Variants in GABRA4 observed in about 807,000 individuals in gnomAD.
The protein encoded by GABRA4 is gamma-aminobutyric acid type A receptor subunit alpha4.
In GABRA4, 12 loss-of-function variants were observed where a neutral mutation model predicts 49.7. That is an observed-to-expected ratio of 0.24 (90% CI 0.15 to 0.39). The LOEUF is 0.39. Among genes scored for constraint, GABRA4 ranks in the 10% least tolerant of loss-of-function variants. The probability of loss-of-function intolerance (pLI) is 1.00; values close to 1 mark genes in which losing one functional copy is unlikely to be tolerated. For missense variants in GABRA4, 506 were observed against 686.0 expected, an observed-to-expected ratio of 0.74 and a Z score of 2.93; for synonymous variants, 288 against 240.2, an observed-to-expected ratio of 1.20 and a Z score of -1.84.
chr4:46,993,213 C>T, intron 1 of GABRA4, 126 bp downstream of exon 1: 2 of 872,958 alleles, frequency 2.3e-6, no homozygotes, highest in Non-Finnish European at 3.8e-6. Flanking sequence ...GGCTTCGGCC[C>T]CTGCTCTTAC....
intron 7 of GABRA4, among the ~76,000 whole-genome samples, chr4:46,970,640 T>A (rs920861542): frequency 6.6e-6 from 1 of 151,620 alleles, no homozygotes; most frequent in Admixed American, 6.6e-5. Flanking sequence ...TTTAAACCGT[T>A]TGCATTTTGT....
At position 46,925,544 on chromosome 4, in the gene GABRA4, G is replaced by C. The variant is rs1253595061; in HGVS notation, c.*2681C>G. The stretch of plus-strand genomic sequence containing the variant: ...ATTATTCATAGATAACCAGAACTTT[G>C]GGTGCCCCTAATCATTCTTCTGAGA... On this transcript the variant is annotated 3_prime_UTR_variant, in exon 9 of 9. Transcript: ENST00000264318. The C allele has an allele frequency of 2.0e-5, 3 of 151,452 alleles. No homozygotes were observed. In the East Asian group the frequency reaches 5.8e-4, roughly 29 times the overall value. 9.4% of individuals were successfully genotyped at this position (151,452 alleles called of 1,614,324 possible). A position where few individuals can be genotyped will look rare whatever the true frequency, so the allele number is the denominator to read the frequency against.
Position 46,922,576 on chromosome 4 carries a change from T to C in GABRA4, c.*5649A>G, listed in dbSNP as rs1721075912. The C allele has an allele frequency of 6.6e-6, 1 of 152,024 alleles. No individual in the cohort carries two copies. The highest frequency in any genetic ancestry group is 2.4e-5 in the African/African-American group (1 of 41,404). The allele number at this position is 152,024 out of a possible 1,614,324, so 9.4% of individuals were successfully genotyped here. A position where few individuals can be genotyped will look rare whatever the true frequency, so the allele number is the denominator to read the frequency against. On this transcript the variant is annotated 3_prime_UTR_variant, in exon 9 of 9. Transcript: ENST00000264318. ...GTCTCTGTAGTCTCAAAAAATATTA[T>C]AGACATGATCTCATTAATAGAGAAA... is the stretch of plus-strand genomic sequence containing the variant.
intron 8 of GABRA4, among the ~76,000 whole-genome samples, chr4:46,941,036 G>A (rs1721770256): frequency 6.6e-6 from 1 of 152,140 alleles, no homozygotes; most frequent in South Asian, 2.1e-4. Flanking sequence ...AAGGCAGATT[G>A]CAAATTTAGC....
rs1723164225 is a variant in GABRA4 at position 46,977,152 on chromosome 4, A to C, written c.495-9T>G. ...CCGCACTTATGGTGAGTCTATGATG[A>C]AAAATGCAATTAAATAAAATCAACC... On this transcript the variant is annotated splice_polypyrimidine_tract_variant and intron_variant, in intron 4 of 8. Transcript: ENST00000264318. 11 of 1,562,256 alleles carry C rather than the reference A, an allele frequency of 7.0e-6. No individual in the cohort carries two copies. The East Asian group carries it at 2.5e-4, about 35-fold the overall frequency.
chr4:46,976,910 A>G (rs767333547), intron 5 of GABRA4, 151 bp downstream of exon 5: 63 of 537,264 alleles, frequency 1.2e-4, no homozygotes, highest in Middle Eastern at 5.0e-4. Flanking sequence ...ATTATAAAAT[A>G]TTAGTTAATG....
intron 8 of GABRA4, among the ~76,000 whole-genome samples, chr4:46,955,355 T>A (rs1011187451): frequency 2.0e-5 from 3 of 152,130 alleles, no homozygotes; most frequent in African/African-American, 7.2e-5. Context: ...TTGATGCGAA[T>A]GTTGGCATTT....
intron 8 of GABRA4, among the ~76,000 whole-genome samples, chr4:46,936,914 C>T (rs775069069): frequency 3.3e-5 from 5 of 152,098 alleles, no homozygotes; most frequent in Non-Finnish European, 7.4e-5. Flanking sequence ...GCCCACCAGA[C>T]TAGGGATGGC....
chr4:46,952,967 T>C (rs1360761238), intron 8 of GABRA4, among the ~76,000 whole-genome samples: 1 of 152,128 alleles, frequency 6.6e-6, no homozygotes, highest in African/African-American at 2.4e-5. Flanking sequence ...CTCAGTTATA[T>C]GAGGAATGAA....
intron 8 of GABRA4, among the ~76,000 whole-genome samples, chr4:46,950,294 T>C (rs946657114): frequency 2.0e-5 from 3 of 152,034 alleles, no homozygotes; most frequent in Non-Finnish European, 2.9e-5. Flanking sequence ...GTGCCCCCAT[T>C]AGGCCCAGGC....
chr4:46,937,076 A>T (rs1033881048), intron 8 of GABRA4, among the ~76,000 whole-genome samples: 7 of 152,224 alleles, frequency 4.6e-5, no homozygotes, highest in African/African-American at 1.4e-4. Flanking sequence ...GAGGTGGTTA[A>T]GGTTCAGTGA....
chr4:46,933,518 C>G (rs1721512081), intron 8 of GABRA4, among the ~76,000 whole-genome samples: 2 of 152,142 alleles, frequency 1.3e-5, no homozygotes, highest in African/African-American at 4.8e-5. Flanking sequence ...AATCATTGCT[C>G]TCTGCCAAGC....
chr4:46,938,559 G>A (rs1486215355), intron 8 of GABRA4, among the ~76,000 whole-genome samples: 2 of 152,068 alleles, frequency 1.3e-5, no homozygotes, highest in African/African-American at 4.8e-5. Flanking sequence ...AGGTGAGGAA[G>A]TCTTTGATGA....
chr4:46,953,952 T>C (rs1722257825), intron 8 of GABRA4, among the ~76,000 whole-genome samples: 1 of 152,148 alleles, frequency 6.6e-6, no homozygotes, highest in African/African-American at 2.4e-5. Flanking sequence ...AGTTTAAATC[T>C]GGTCTCTGTT....
chr4:46,980,940 G>T (rs1384560777), intron 2 of GABRA4, among the ~76,000 whole-genome samples: 1 of 152,064 alleles, frequency 6.6e-6, no homozygotes, highest in African/African-American at 2.4e-5. Context: ...ATTAAGGTTG[G>T]TTATGTCCTG....
intron 2 of GABRA4, among the ~76,000 whole-genome samples, chr4:46,987,003 G>A (rs1192053764): frequency 6.6e-6 from 1 of 152,112 alleles, no homozygotes; most frequent in Admixed American, 6.5e-5. Flanking sequence ...AAACCTTGCT[G>A]CATCTGCCCT....
At chr4:46,969,092 C>T (rs1449617958) in intron 7 of GABRA4, among the ~76,000 whole-genome samples, 2 of 151,490 alleles carry the variant, frequency 1.3e-5, no homozygotes, top group African/African-American at 4.8e-5. Flanking sequence ...CATGAGGAAG[C>T]TGGCAAATGT....
intron 5 of GABRA4, 104 bp downstream of exon 5, chr4:46,976,957 G>T: frequency 1.5e-6 from 1 of 647,928 alleles, no homozygotes; most frequent in Non-Finnish European, 2.7e-6. Context: ...TTTTTGTTAT[G>T]GACCATGACT....
At chr4:46,984,300 C>T (rs1723461286) in intron 2 of GABRA4, among the ~76,000 whole-genome samples, 2 of 151,954 alleles carry the variant, frequency 1.3e-5, no homozygotes, top group African/African-American at 4.8e-5. Flanking sequence ...TTACATATCT[C>T]CAAAAATGAA....
Sources: gnomAD v4.1 joint callset for allele counts (sites outside exome capture counted in the v4.1 genomes callset) on GRCh38, gnomAD v4.1.1 for gene constraint, MANE v1.5 for transcripts, NCBI Gene and HGNC (gene_info 2026-07-23, HGNC 2026-07-21) for gene names.